The following SHC4 variants were observed in gnomAD, a reference collection of about 807,000 sequenced individuals.
SHC4 encodes the protein SHC-transforming protein 4.
SHC4 carries 41 observed loss-of-function variants against 69.4 expected under a neutral mutation model. That is an observed-to-expected ratio of 0.59 (90% CI 0.46 to 0.77). The LOEUF (loss-of-function observed/expected upper bound fraction) is 0.77. SHC4 is among the 30% of genes least tolerant of loss of function. The pLI is 0.00. For missense variants in SHC4, 777 were observed against 783.8 expected, an observed-to-expected ratio of 0.99 and a Z score of 0.10; for synonymous variants, 318 against 299.3, an observed-to-expected ratio of 1.06 and a Z score of -0.64.
At chr15:48,927,577 A>C (rs1331225743) in intron 1 of SHC4, among the ~76,000 whole-genome samples, 1 of 152,058 alleles carries the variant, frequency 6.6e-6, no homozygotes, top group East Asian at 1.9e-4. Flanking sequence ...GATCAAAACA[A>C]TCTCGTTACT....
At chr15:48,863,139 A>G (rs1195231852) in intron 6 of SHC4, among the ~76,000 whole-genome samples, 1 of 151,412 alleles carries the variant, frequency 6.6e-6, no homozygotes. Context: ...GGTTTTGGAT[A>G]TTTTTTCTTT....
At chr15:48,939,586 C>A (rs1173593695) in intron 1 of SHC4, among the ~76,000 whole-genome samples, 3 of 152,150 alleles carry the variant, frequency 2.0e-5, no homozygotes, top group Non-Finnish European at 4.4e-5. Flanking sequence ...TTCTTGGAGT[C>A]CAGCACAATA....
intron 5 of SHC4, among the ~76,000 whole-genome samples, chr15:48,869,219 A>G (rs575746060): frequency 6.6e-6 from 1 of 152,350 alleles, no homozygotes; most frequent in East Asian, 1.9e-4. Context: ...GAGAAAGTAT[A>G]TATAGTTATA....
At chr15:48,878,269 G>A (rs1182498014) in intron 4 of SHC4, 4 of 1,613,426 alleles carry the variant, frequency 2.5e-6, no homozygotes, top group Non-Finnish European at 8.5e-7. Context: ...TTCCGCAGAT[G>A]GAGGTAGGCA....
chr15:48,920,778 C>T (rs984790957), intron 2 of SHC4, among the ~76,000 whole-genome samples: 12 of 151,904 alleles, frequency 7.9e-5, no homozygotes, highest in Non-Finnish European at 1.6e-4. Flanking sequence ...CACAGCATTA[C>T]TTATAATGAT....
At chr15:48,953,163 T>C (rs1901392654) in intron 1 of SHC4, among the ~76,000 whole-genome samples, 1 of 152,104 alleles carries the variant, frequency 6.6e-6, no homozygotes, top group Non-Finnish European at 1.5e-5. Context: ...AACTAATGCA[T>C]GAACAGAAAA....
At chr15:48,919,295 AT>A (rs386382928) in intron 2 of SHC4, among the ~76,000 whole-genome samples, 3,928 of 71,150 alleles carry the variant, frequency 0.055, 296 homozygotes, top group African/African-American at 0.19. Context: ...ATTTATTTTA[AT>A]TTTTTTTTTT....
At chr15:48,909,289 AT>A (rs35371445) in intron 2 of SHC4, among the ~76,000 whole-genome samples, 7 of 146,524 alleles carry the variant, frequency 4.8e-5, no homozygotes, top group African/African-American at 1.0e-4. Flanking sequence ...TATTCCTAGG[AT>A]TTTTTTTTTT....
intron 8 of SHC4, among the ~76,000 whole-genome samples, chr15:48,851,656 G>T (rs1899217150): frequency 6.6e-6 from 1 of 152,176 alleles, no homozygotes; most frequent in African/African-American, 2.4e-5. Context: ...CTCTACTCAG[G>T]TTTATGCCAG....
chr15:48,829,223 GA>G (rs1481389760), intron 11 of SHC4, among the ~76,000 whole-genome samples: 1 of 152,168 alleles, frequency 6.6e-6, no homozygotes, highest in Non-Finnish European at 1.5e-5. Context: ...CTGTTGGATG[GA>G]ATGTTCTGTA....
intron 1 of SHC4, among the ~76,000 whole-genome samples, chr15:48,955,666 T>C (rs534517899): frequency 1.6e-4 from 25 of 152,314 alleles, no homozygotes; most frequent in African/African-American, 5.8e-4. Flanking sequence ...CCTTCTATGC[T>C]CCCTCTTTTC....
intron 4 of SHC4, 103 bp downstream of exon 4, chr15:48,884,145 A>G (rs1400971373): frequency 5.5e-6 from 7 of 1,277,230 alleles, no homozygotes; most frequent in Admixed American, 7.0e-5. Context: ...GTGCTGTATT[A>G]GGTTGTAGGC....
intron 1 of SHC4, among the ~76,000 whole-genome samples, chr15:48,935,025 T>C (rs534350107): frequency 6.6e-6 from 1 of 152,174 alleles, no homozygotes; most frequent in Non-Finnish European, 1.5e-5. Context: ...TCTGTGAATA[T>C]ATTAAAAAAC....
At chr15:48,867,990 A>G in intron 5 of SHC4, 121 bp from the exon 6 acceptor site, 1 of 750,458 alleles carries the variant, frequency 1.3e-6, no homozygotes, top group South Asian at 1.8e-5. Context: ...ATTTAAAGAG[A>G]CAAGAAAAGC....
At chr15:48,958,454 C>T (rs1215704707) in intron 1 of SHC4, among the ~76,000 whole-genome samples, 2 of 152,196 alleles carry the variant, frequency 1.3e-5, no homozygotes, top group African/African-American at 4.8e-5. Context: ...ACCTGGAGAA[C>T]ACGGCCTTCC....
intron 1 of SHC4, among the ~76,000 whole-genome samples, chr15:48,954,166 C>T (rs1901406897): frequency 6.6e-6 from 1 of 152,160 alleles, no homozygotes; most frequent in Admixed American, 6.6e-5. Context: ...CTGGGCCTTG[C>T]AGGCTGTTTA....
At chr15:48,828,113 GTGTA>G (rs1470837174) in intron 11 of SHC4, among the ~76,000 whole-genome samples, 2,023 of 100,624 alleles carry the variant, frequency 0.02, 31 homozygotes, top group African/African-American at 0.049. Flanking sequence ...GTGTGTGTGT[GTGTA>G]TATATATATA....
chr15:48,944,579 G>A (rs1901240035), intron 1 of SHC4, among the ~76,000 whole-genome samples: 2 of 152,250 alleles, frequency 1.3e-5, no homozygotes, highest in South Asian at 4.1e-4. Context: ...AAGGATCCTG[G>A]GTTATTGATG....
chr15:48,894,991 G>C (rs1900198927), intron 2 of SHC4, among the ~76,000 whole-genome samples: 1 of 151,892 alleles, frequency 6.6e-6, no homozygotes, highest in Non-Finnish European at 1.5e-5. Context: ...TTTTTGTAGA[G>C]ACAGGGTCTC....
Sources: gnomAD v4.1 joint callset for allele counts (sites outside exome capture counted in the v4.1 genomes callset) on GRCh38, gnomAD v4.1.1 for gene constraint, MANE v1.5 for transcripts, NCBI Gene and HGNC (gene_info 2026-07-23, HGNC 2026-07-21) for gene names.